The following FCHO2 variants were observed in gnomAD, a reference collection of about 807,000 sequenced individuals.
FCHO2 encodes F-BAR domain only protein 2.
In FCHO2, 43 loss-of-function variants were observed where a neutral mutation model predicts 114.1. The ratio of observed to expected loss-of-function variants is 0.38; its 90% confidence interval spans 0.30 to 0.49. The LOEUF (loss-of-function observed/expected upper bound fraction) is 0.49. Among genes scored for constraint, FCHO2 ranks in the 20% least tolerant of loss-of-function variants. The pLI, the probability that FCHO2 is intolerant of heterozygous loss-of-function variation, is 0.97. For missense variants in FCHO2, 807 were observed against 950.4 expected (o/e 0.85, Z 1.98); for synonymous variants, 293 against 315.2 (o/e 0.93, Z 0.75).
At chr5:73,084,875 C>A (rs1296974442) in intron 24 of FCHO2, among the ~76,000 whole-genome samples, 1 of 152,152 alleles carries the variant, frequency 6.6e-6, no homozygotes, top group Non-Finnish European at 1.5e-5. Flanking sequence ...TTAACCCTAG[C>A]TATTAATATA....
At chr5:72,960,059 G>T (rs972689614) in intron 1 of FCHO2, among the ~76,000 whole-genome samples, 1 of 152,166 alleles carries the variant, frequency 6.6e-6, no homozygotes, top group Non-Finnish European at 1.5e-5. Flanking sequence ...GGATTAAAAG[G>T]CTGAGCCACT....
At position 73,087,624 on chromosome 5, in the gene FCHO2, G is replaced by A. The variant is rs759165409; in HGVS notation, c.2281G>A (p.Glu761Lys). The change falls in exon 25 of 26, where the codon GAA becomes AAA. Residue 761 changes from glutamate (E) to lysine (K), a missense_variant. Transcript: ENST00000430046. ...CCTCCGAGCAAAATTTGATCTTTCA[G>A]AAGGACCTAGTAAACCCACGACACT... The part of the protein sequence containing the change: ...GSLRAKFDLS[E>K]GPSKPTTLAV... The A allele has an allele frequency of 1.9e-6, 3 of 1,613,758 alleles. No homozygotes were observed. The South Asian group carries it at 3.3e-5, about 18-fold the overall frequency.
chr5:73,012,567 C>G (rs958964787), intron 6 of FCHO2, among the ~76,000 whole-genome samples: 1 of 148,634 alleles, frequency 6.7e-6, no homozygotes, highest in Non-Finnish European at 1.5e-5. Flanking sequence ...TGCAGTGAGC[C>G]GAGATCACGC....
chr5:73,077,546 C>A, intron 21 of FCHO2, 53 bp downstream of exon 21: 1 of 1,531,530 alleles, frequency 6.5e-7, no homozygotes, highest in Non-Finnish European at 8.8e-7. Context: ...GATTTTCTTT[C>A]CTGCTGTGCA....
intron 2 of FCHO2, among the ~76,000 whole-genome samples, chr5:72,984,905 G>A (rs1753423565): frequency 6.6e-6 from 1 of 152,034 alleles, no homozygotes; most frequent in South Asian, 2.1e-4. Flanking sequence ...CAAAGAGTCG[G>A]GATTACAGGC....
intron 2 of FCHO2, among the ~76,000 whole-genome samples, chr5:72,986,162 G>T (rs1259490469): frequency 6.6e-6 from 1 of 150,864 alleles, no homozygotes; most frequent in Non-Finnish European, 1.5e-5. Flanking sequence ...TCTCAATATA[G>T]TATATCTAAT....
At chr5:73,010,221 C>T (rs1009752067) in intron 6 of FCHO2, among the ~76,000 whole-genome samples, 1 of 152,056 alleles carries the variant, frequency 6.6e-6, no homozygotes, top group African/African-American at 2.4e-5. Context: ...ATCATTGAGT[C>T]TCTAGGGTGA....
At chr5:73,020,795 C>T in intron 8 of FCHO2, 2 of 950,816 alleles carry the variant, frequency 2.1e-6, no homozygotes, top group South Asian at 1.3e-5. Context: ...CCATCCTGAT[C>T]AGCCTCTTGA....
intron 9 of FCHO2, among the ~76,000 whole-genome samples, chr5:73,035,930 G>A (rs1316210367): frequency 6.6e-6 from 1 of 151,956 alleles, no homozygotes. Flanking sequence ...TGCATCCTCC[G>A]CCTTCTGGTT....
At chr5:72,989,625 G>T in intron 3 of FCHO2, 124 bp downstream of exon 3, 1 of 620,620 alleles carries the variant, frequency 1.6e-6, no homozygotes. Context: ...AAAAGTATCT[G>T]TAAATATTAA....
chr5:72,975,791 C>T (rs1233437459), intron 2 of FCHO2, among the ~76,000 whole-genome samples: 2 of 152,248 alleles, frequency 1.3e-5, no homozygotes, highest in East Asian at 3.9e-4. Flanking sequence ...AGGCATGAGC[C>T]ACTGTGCCTG....
chr5:73,035,489 C>A (rs1383451088), intron 9 of FCHO2, among the ~76,000 whole-genome samples: 1 of 152,048 alleles, frequency 6.6e-6, no homozygotes, highest in Admixed American at 6.5e-5. Context: ...AACCTAAGGT[C>A]TCTACTGCTC....
chr5:73,025,894 C>T (rs1755890543), intron 8 of FCHO2, among the ~76,000 whole-genome samples: 1 of 152,218 alleles, frequency 6.6e-6, no homozygotes, highest in East Asian at 1.9e-4. Flanking sequence ...TTTTATTTCT[C>T]CTCTTTTGTA....
rs527838737 is a variant in FCHO2, at chr5:73,054,008, A to G, written c.1174-152A>G. On this transcript the variant is annotated intron_variant, in intron 13 of 25. Coordinates refer to ENST00000430046, the MANE Select transcript of FCHO2 (RefSeq NM_138782.3). ...ATATCTGAATATATTTTGCTGCCTC[A>G]TTTGCTTAACTTTTTCCCACCTGAC... Among the ~76,000 whole-genome samples the G allele has an allele frequency of 1.6e-3, 249 of 152,232 alleles. 1 individual carries two copies. The highest frequency in any genetic ancestry group is 5.7e-3 in the African/African-American group (236 of 41,562).
chr5:72,957,315 A>G (rs1180090868), intron 1 of FCHO2, among the ~76,000 whole-genome samples: 2 of 152,204 alleles, frequency 1.3e-5, no homozygotes, highest in African/African-American at 2.4e-5. Context: ...AAACATCACC[A>G]TATCAGTTTT....
intron 8 of FCHO2, among the ~76,000 whole-genome samples, chr5:73,022,622 C>T (rs1179927301): frequency 6.6e-6 from 1 of 152,218 alleles, no homozygotes; most frequent in Non-Finnish European, 1.5e-5. Context: ...TAGGCAGTCA[C>T]TGCCAATATT....
At chr5:73,083,825 G>A (rs888292706) in intron 24 of FCHO2, among the ~76,000 whole-genome samples, 3 of 151,276 alleles carry the variant, frequency 2.0e-5, no homozygotes, top group South Asian at 2.1e-4. Context: ...CCAAGGAGGC[G>A]GAGGTTGCAG....
chr5:72,959,770 C>T (rs1751749812), intron 1 of FCHO2, among the ~76,000 whole-genome samples: 5 of 151,526 alleles, frequency 3.3e-5, no homozygotes, highest in Admixed American at 6.6e-5. Flanking sequence ...TCTCTCTCTT[C>T]TCTTCTTTCT....
At chr5:73,024,136 T>C (rs1755786783) in intron 8 of FCHO2, among the ~76,000 whole-genome samples, 2 of 152,176 alleles carry the variant, frequency 1.3e-5, no homozygotes, top group Non-Finnish European at 2.9e-5. Context: ...CATAGCTCAC[T>C]GTAGCTTCAA....
Sources: allele counts gnomAD v4.1 joint callset (sites outside exome capture counted in the v4.1 genomes callset), GRCh38; gene constraint gnomAD v4.1.1; transcripts MANE v1.5; gene names NCBI Gene and HGNC (gene_info 2026-07-23, HGNC 2026-07-21).